GBP7: variants seen among roughly 807,000 people sequenced by gnomAD.
The protein encoded by GBP7 is guanylate-binding protein 7.
GBP7 carries 43 observed loss-of-function variants against 61.3 expected under a neutral mutation model. The observed-to-expected ratio is 0.70, with a 90% confidence interval of 0.55 to 0.91. GBP7 has a LOEUF of 0.91. GBP7 is among the 40% of genes least tolerant of loss of function. GBP7 has a pLI of 0.00. For missense variants in GBP7, 717 were observed against 740.5 expected (o/e 0.97, Z 0.37); for synonymous variants, 267 against 271.0 (o/e 0.99, Z 0.14).
intron 2 of GBP7, among the ~76,000 whole-genome samples, chr1:89,165,767 G>C (rs995181401): frequency 4.6e-5 from 7 of 151,964 alleles, no homozygotes; most frequent in African/African-American, 1.7e-4. Context: ...AGGGCCTGTT[G>C]GGGGGTGGGG....
rs375269444 is a variant in GBP7, at chr1:89,133,168, A to G, written c.1662+90T>C. On this transcript the variant is annotated intron_variant, in intron 10 of 10. Coordinates refer to ENST00000294671, the MANE Select transcript of GBP7 (RefSeq NM_207398.3). ...AATATATCTTTTGTGTTTCCTTCTG[A>G]AATCTTGACTGAGCTTAAAATTTTG... The G allele has an allele frequency of 2.0e-4, 176 of 880,608 alleles. 11 individuals are homozygous for G. The highest frequency in any genetic ancestry group is 4.4e-4 in the East Asian group (18 of 41,370). 54.5% of individuals were successfully genotyped at this position (880,608 alleles called of 1,614,324 possible). A position where few individuals can be genotyped will look rare whatever the true frequency, so the allele number is the denominator to read the frequency against.
At chr1:89,135,894 A>T (rs1681789566) in intron 9 of GBP7, among the ~76,000 whole-genome samples, 1 of 152,130 alleles carries the variant, frequency 6.6e-6, no homozygotes, top group Non-Finnish European at 1.5e-5. Context: ...ATAAGACCCA[A>T]CTGTCTTCGA....
In GBP7 at chr1:89,152,784, T is replaced by G; in HGVS notation, c.319-7A>C. On this transcript the variant is annotated splice_polypyrimidine_tract_variant and splice_region_variant and intron_variant, in intron 3 of 10. Transcript: ENST00000294671. Reference sequence around the variant, plus strand: ...AGTCACTCTTAGGGTCACTCTAGTGTTAAAGAAAAAAAAAAAAAAAATGGA... The same window carrying G: ...AGTCACTCTTAGGGTCACTCTAGTGGTAAAGAAAAAAAAAAAAAAAATGGA... 2 of 1,486,126 alleles carry G rather than the reference T, an allele frequency of 1.3e-6. No homozygotes were observed. Among genetic ancestry groups the G allele is most frequent in the Non-Finnish European group, 1.8e-6 (2 of 1,125,982 alleles). The allele number at this position is 1,486,126 out of a possible 1,614,324, so 92.1% of individuals were successfully genotyped here.
Position 89,152,437 on chromosome 1 carries a change from G to C in GBP7, c.456C>G (p.Ile152Met), listed in dbSNP as rs1391095615. ...CAGGTCTGGGGCACGATTTTGCCCT[G>C]ATTAGCTCTGTTAGCTCAGTCACGT... ...LHYVTELTEL[I>M]RAKSCPRPDE... The change falls in exon 5 of 11, where the codon ATC becomes ATG. Residue 152 changes from isoleucine (I) to methionine (M), a missense_variant. Physicochemically the swap from Ile to Met is conservative, Grantham distance 10. Coordinates refer to ENST00000294671, the MANE Select transcript of GBP7 (RefSeq NM_207398.3). 6.2e-7 allele frequency: 1 copy of C among 1,614,132 alleles called. No individual in the cohort carries two copies. Among genetic ancestry groups the C allele is most frequent in the South Asian group, 1.1e-5 (1 of 91,082 alleles).
At chr1:89,152,501 C>A in intron 4 of GBP7, 37 bp from the exon 5 acceptor site, 1 of 1,587,628 alleles carries the variant, frequency 6.3e-7, no homozygotes, top group Non-Finnish European at 8.6e-7. Context: ...CACCCTACAC[C>A]ATCATTTCCA....
At chr1:89,174,585 G>A (rs1647690576) in intron 1 of GBP7, among the ~76,000 whole-genome samples, 1 of 152,126 alleles carries the variant, frequency 6.6e-6, no homozygotes, top group Non-Finnish European at 1.5e-5. Context: ...TTGAAACATA[G>A]ATACCATTCT....
chr1:89,152,606 A>G (rs1312100055), intron 4 of GBP7, 62 bp downstream of exon 4: 10 of 1,537,524 alleles, frequency 6.5e-6, no homozygotes, highest in Non-Finnish European at 8.9e-6. Context: ...AAGAAGACAC[A>G]GTATCAGTTT....
At chr1:89,134,372 T>A (rs1681746726) in intron 9 of GBP7, among the ~76,000 whole-genome samples, 1 of 152,198 alleles carries the variant, frequency 6.6e-6, no homozygotes, top group South Asian at 2.1e-4. Flanking sequence ...CTGCTGCTGC[T>A]CACCAATGAC....
chr1:89,137,582 G>A (rs1248195431), intron 9 of GBP7, among the ~76,000 whole-genome samples: 5 of 152,036 alleles, frequency 3.3e-5, no homozygotes, highest in African/African-American at 1.2e-4. Context: ...GCACAGAAAA[G>A]GCTTTTGATA....
chr1:89,140,391 G>A (rs1464468459), intron 9 of GBP7, among the ~76,000 whole-genome samples: 3 of 149,206 alleles, frequency 2.0e-5, no homozygotes, highest in Non-Finnish European at 3.0e-5. Context: ...GTATACATAT[G>A]TAACAAACCT....
intron 3 of GBP7, among the ~76,000 whole-genome samples, chr1:89,163,647 C>T (rs1279404610): frequency 6.6e-6 from 1 of 151,730 alleles, no homozygotes; most frequent in East Asian, 1.9e-4. Context: ...TATACTCAGA[C>T]TAATATAAAT....
chr1:89,136,873 C>A (rs1410250114), intron 9 of GBP7, among the ~76,000 whole-genome samples: 3 of 151,508 alleles, frequency 2.0e-5, no homozygotes, highest in Non-Finnish European at 4.4e-5. Context: ...CAATGGTTCT[C>A]TGGAAAAATA....
intron 3 of GBP7, among the ~76,000 whole-genome samples, chr1:89,162,749 T>C (rs1647311239): frequency 6.6e-6 from 1 of 152,222 alleles, no homozygotes. Context: ...TGGATGCCCT[T>C]TATTGCTTTC....
At chr1:89,151,723 C>G (rs568370297) in intron 5 of GBP7, among the ~76,000 whole-genome samples, 1 of 152,042 alleles carries the variant, frequency 6.6e-6, no homozygotes, top group East Asian at 1.9e-4. Flanking sequence ...GACAGTCCTA[C>G]TGGAAGCATA....
At position 89,175,908 on chromosome 1, in the gene GBP7, G is replaced by A. The variant is rs943624996; in HGVS notation, c.-20+13C>T. 1.3e-5 allele frequency: 2 copies of A among 152,186 alleles called. No homozygotes were observed. Among genetic ancestry groups the A allele is most frequent in the African/African-American group, 4.8e-5 (2 of 41,434 alleles). 9.4% of individuals were successfully genotyped at this position (152,186 alleles called of 1,614,324 possible). Reference sequence around the variant, plus strand: ...CTTATAAATCATGAAATCCTTATAAGTCATAGTCTTACCCAGAGTAGAGAT... The same window carrying A: ...CTTATAAATCATGAAATCCTTATAAATCATAGTCTTACCCAGAGTAGAGAT... On this transcript the variant is annotated intron_variant, in intron 1 of 10. Coordinates refer to ENST00000294671, the MANE Select transcript of GBP7 (RefSeq NM_207398.3).
intron 3 of GBP7, among the ~76,000 whole-genome samples, chr1:89,154,050 A>G (rs954320466): frequency 3.3e-5 from 5 of 152,234 alleles, no homozygotes; most frequent in African/African-American, 7.2e-5. Context: ...ATTCAGGGCA[A>G]GACATGAAGG....
At chr1:89,141,453 C>G in intron 9 of GBP7, 93 bp downstream of exon 9, 1 of 1,075,686 alleles carries the variant, frequency 9.3e-7, no homozygotes, top group Non-Finnish European at 1.4e-6. Flanking sequence ...GAGAAGAAAG[C>G]TCCTGGTATA....
intron 9 of GBP7, 56 bp from the exon 10 acceptor site, chr1:89,133,507 C>T: frequency 6.9e-7 from 1 of 1,448,598 alleles, no homozygotes; most frequent in South Asian, 1.2e-5. Context: ...GGGAGAAGAA[C>T]CATCATGGCT....
chr1:89,160,172 G>C (rs1682406342), intron 3 of GBP7, among the ~76,000 whole-genome samples: 1 of 152,128 alleles, frequency 6.6e-6, no homozygotes, highest in South Asian at 2.1e-4. Flanking sequence ...GAGATCACTT[G>C]GACACAGGGT....
Sources: allele counts gnomAD v4.1 joint callset (sites outside exome capture counted in the v4.1 genomes callset), GRCh38; gene constraint gnomAD v4.1.1; transcripts MANE v1.5; gene names NCBI Gene and HGNC (gene_info 2026-07-23, HGNC 2026-07-21).